OSBPL1A: variants seen among roughly 807,000 people sequenced by gnomAD.
OSBPL1A encodes oxysterol-binding protein-related protein 1.
OSBPL1A carries 80 observed loss-of-function variants against 137.1 expected under a neutral mutation model. That is an observed-to-expected ratio of 0.58 (90% CI 0.49 to 0.70). The LOEUF (loss-of-function observed/expected upper bound fraction) is 0.70. Ranked by LOEUF, OSBPL1A falls within the 30% of genes least tolerant of loss-of-function variation. The pLI is 0.00. For missense variants in OSBPL1A, 970 were observed against 1,129.4 expected (o/e 0.86, Z 2.02); for synonymous variants, 365 against 389.7 (o/e 0.94, Z 0.75).
At chr18:24,247,882 T>C (rs1346047944) in intron 15 of OSBPL1A, among the ~76,000 whole-genome samples, 1 of 152,146 alleles carries the variant, frequency 6.6e-6, no homozygotes, top group East Asian at 1.9e-4. Flanking sequence ...GGGCAGTTGC[T>C]GGAAGGGGTT....
At chr18:24,252,889 T>C (rs868598792) in intron 15 of OSBPL1A, among the ~76,000 whole-genome samples, 3 of 152,274 alleles carry the variant, frequency 2.0e-5, no homozygotes, top group Middle Eastern at 3.4e-3. Context: ...CAATCAGCGT[T>C]GTCATCAGTT....
At chr18:24,395,028 A>G (rs1045853818) in intron 1 of OSBPL1A, among the ~76,000 whole-genome samples, 5 of 152,248 alleles carry the variant, frequency 3.3e-5, no homozygotes, top group African/African-American at 9.6e-5. Flanking sequence ...AGAACATCAC[A>G]TAAGATACTT....
At chr18:24,165,226 A>C in intron 26 of OSBPL1A, 71 bp from the exon 27 acceptor site, 2 of 1,339,772 alleles carry the variant, frequency 1.5e-6, no homozygotes, top group Non-Finnish European at 2.1e-6. Flanking sequence ...ATTAAGCACA[A>C]GAACTTCACA....
chr18:24,260,642 G>A (rs2089421778), intron 15 of OSBPL1A, among the ~76,000 whole-genome samples: 3 of 152,168 alleles, frequency 2.0e-5, no homozygotes, highest in African/African-American at 4.8e-5. Flanking sequence ...AGGGACTGGG[G>A]ATGGGGTACC....
chr18:24,179,990 G>A (rs1030882164), intron 19 of OSBPL1A, among the ~76,000 whole-genome samples, 155 bp from the exon 20 acceptor site: 10 of 152,198 alleles, frequency 6.6e-5, no homozygotes, highest in Admixed American at 4.6e-4. Context: ...GTGGGACATG[G>A]AAACTTGGAT....
chr18:24,218,911 T>G (rs1439914721), intron 17 of OSBPL1A, among the ~76,000 whole-genome samples: 2 of 152,182 alleles, frequency 1.3e-5, no homozygotes, highest in African/African-American at 4.8e-5. Context: ...AAACACCATG[T>G]TGTACACTAC....
At chr18:24,308,394 A>T (rs1599645567) in intron 13 of OSBPL1A, among the ~76,000 whole-genome samples, 1 of 150,650 alleles carries the variant, frequency 6.6e-6, no homozygotes, top group South Asian at 2.1e-4. Context: ...AAAAAAAAAA[A>T]TTTGTTTTTA....
intron 21 of OSBPL1A, among the ~76,000 whole-genome samples, chr18:24,172,919 AATC>A (rs2145912440): frequency 6.6e-6 from 1 of 152,344 alleles, no homozygotes; most frequent in African/African-American, 2.4e-5. Flanking sequence ...GAGGAATAGA[AATC>A]ATTCTACCAT....
chr18:24,269,602 T>C (rs2089665578), intron 15 of OSBPL1A, among the ~76,000 whole-genome samples: 1 of 152,138 alleles, frequency 6.6e-6, no homozygotes. Context: ...AAATCCTCAA[T>C]GGACCATTAT....
intron 11 of OSBPL1A, among the ~76,000 whole-genome samples, chr18:24,315,894 G>T (rs139735839): frequency 0.011 from 1,410 of 123,532 alleles, 29 homozygotes; most frequent in African/African-American, 0.042. Flanking sequence ...ATATATTAAA[G>T]ATATTATATA....
intron 14 of OSBPL1A, among the ~76,000 whole-genome samples, chr18:24,299,789 A>G (rs72886708): frequency 0.052 from 7,955 of 152,334 alleles, 254 homozygotes; most frequent in African/African-American, 0.069. Flanking sequence ...AGTAACATGC[A>G]ATATAGTATA....
chr18:24,313,694 G>A (rs2090667225), intron 12 of OSBPL1A, among the ~76,000 whole-genome samples: 1 of 152,114 alleles, frequency 6.6e-6, no homozygotes, highest in Non-Finnish European at 1.5e-5. Context: ...TTAAAAGGAT[G>A]CCCCTTACAT....
rs1029481798 is a variant in OSBPL1A at position 24,210,820 on chromosome 18, G to A, written c.1601+14222C>T. On this transcript the variant is annotated intron_variant, in intron 17 of 27. Transcript: ENST00000319481. ...CAAAGTGCTGAGATTACAGGTGTGA[G>A]CCATCGTATCTGGTATAGTTTTCTT... Among the ~76,000 whole-genome samples, 10 of 151,872 alleles carry A rather than the reference G, an allele frequency of 6.6e-5. No homozygotes were observed. In the East Asian group the frequency reaches 1.6e-3, roughly 24 times the overall value.
intron 14 of OSBPL1A, among the ~76,000 whole-genome samples, chr18:24,292,550 G>A (rs2090194527): frequency 2.6e-5 from 4 of 152,116 alleles, no homozygotes; most frequent in Non-Finnish European, 4.4e-5. Flanking sequence ...CGGCGAGAGA[G>A]AGGAGAGAGA....
rs869082050 is a variant in OSBPL1A, at chr18:24,346,463, ACTG to A, written c.283-4808_283-4806del. ...AGAAACCCCATATCTGTTAACAATC[ACTG>A]CCTATTTCCCCTCCTCATAATCCCC... On this transcript the variant is annotated intron_variant, in intron 4 of 27. Coordinates refer to ENST00000319481, the MANE Select transcript of OSBPL1A (RefSeq NM_080597.4). 5.3e-5 allele frequency among the ~76,000 whole-genome samples: 8 copies of A among 152,284 alleles called. No homozygotes were observed. In the East Asian group the frequency reaches 1.5e-3, roughly 29 times the overall value.
intron 16 of OSBPL1A, among the ~76,000 whole-genome samples, chr18:24,233,622 T>TCTTC (rs1339041913): frequency 6.6e-6 from 1 of 152,160 alleles, no homozygotes; most frequent in Non-Finnish European, 1.5e-5. Flanking sequence ...ATTATATTTT[T>TCTTC]CTTTCTTTCT....
intron 17 of OSBPL1A, among the ~76,000 whole-genome samples, chr18:24,206,615 C>T (rs533551132): frequency 5.3e-5 from 8 of 152,246 alleles, no homozygotes; most frequent in Non-Finnish European, 1.2e-4. Flanking sequence ...CATTCCCATC[C>T]AGATCCGAGG....
At chr18:24,393,428 C>A (rs775223074) in intron 1 of OSBPL1A, among the ~76,000 whole-genome samples, 1 of 152,094 alleles carries the variant, frequency 6.6e-6, no homozygotes, top group African/African-American at 2.4e-5. Context: ...AATAATGCAA[C>A]GTATTTTATT....
Position 24,384,655 on chromosome 18 carries a change from AG to A in OSBPL1A, c.-2-7121del, listed in dbSNP as rs572394761. ...GAGGCCAAGATGGGCGGATCACCTGAGGTCAGGAGTTCCGGACCAGCGTGGC... is the reference window on the plus strand; with the variant it reads ...GAGGCCAAGATGGGCGGATCACCTGAGTCAGGAGTTCCGGACCAGCGTGGC... On this transcript the variant is annotated intron_variant, in intron 1 of 27. Coordinates refer to ENST00000319481, the MANE Select transcript of OSBPL1A (RefSeq NM_080597.4). Among the ~76,000 whole-genome samples the A allele has an allele frequency of 2.8e-3, 419 of 152,142 alleles. 2 individuals are homozygous for A. Among genetic ancestry groups the A allele is most frequent in the African/African-American group, 9.9e-3 (413 of 41,518 alleles).
Sources: gnomAD v4.1 joint callset for allele counts (sites outside exome capture counted in the v4.1 genomes callset) on GRCh38, gnomAD v4.1.1 for gene constraint, MANE v1.5 for transcripts, NCBI Gene and HGNC (gene_info 2026-07-23, HGNC 2026-07-21) for gene names.